TGFBI: variants seen among roughly 807,000 people sequenced by gnomAD.
TGFBI encodes the protein transforming growth factor beta induced.
A neutral mutation model predicts 73.7 loss-of-function variants in TGFBI; 50 were observed. That is an observed-to-expected ratio of 0.68 (90% CI 0.54 to 0.86). The LOEUF is 0.86. Among genes scored for constraint, TGFBI ranks in the 40% least tolerant of loss-of-function variants. The pLI, the probability that TGFBI is intolerant of heterozygous loss-of-function variation, is 0.00. For synonymous variants in TGFBI, 362 were observed against 360.5 expected (o/e 1.00, Z -0.05); for missense variants, 839 against 877.0 (o/e 0.96, Z 0.55).
intron 3 of TGFBI, 155 bp from the exon 4 acceptor site, chr5:136,046,180 T>G: frequency 1.3e-6 from 1 of 791,126 alleles, no homozygotes; most frequent in East Asian, 2.7e-5. Flanking sequence ...ATAACAAGCC[T>G]TAAGCCCCCC....
At position 136,052,957 on chromosome 5, in the gene TGFBI, G is replaced by T. The variant is rs188428210; in HGVS notation, c.964G>T (p.Val322Phe). 1 of 1,614,066 alleles carries T rather than the reference G, an allele frequency of 6.2e-7. No homozygotes were observed. The highest frequency in any genetic ancestry group is 8.5e-7 in the Non-Finnish European group (1 of 1,179,902). ...GTCAGCTATGTGTGCTGAAGCCATC[G>T]TTGCGGGGCTGTCTGTAGAGACCCT... Reference protein sequence around the residue: ...LKSAMCAEAIVAGLSVETLEG... With the variant: ...LKSAMCAEAIFAGLSVETLEG... Residue 322 changes from valine to phenylalanine, a missense_variant, in exon 8 of 17, where the codon GTT becomes TTT. Transcript: ENST00000442011.
intron 3 of TGFBI, 95 bp from the exon 4 acceptor site, chr5:136,046,240 C>T (rs1751423641): frequency 6.8e-7 from 1 of 1,473,616 alleles, no homozygotes; most frequent in Non-Finnish European, 9.3e-7. Flanking sequence ...GTCCTCTCCA[C>T]CTGTAGATGT....
intron 2 of TGFBI, among the ~76,000 whole-genome samples, chr5:136,037,540 A>G (rs1751250060): frequency 6.6e-6 from 1 of 152,228 alleles, no homozygotes; most frequent in Non-Finnish European, 1.5e-5. Context: ...TGGAATAGTC[A>G]TAGCAGGAGC....
intron 2 of TGFBI, among the ~76,000 whole-genome samples, chr5:136,040,262 T>C (rs1751306529): frequency 6.6e-6 from 1 of 152,198 alleles, no homozygotes; most frequent in African/African-American, 2.4e-5. Context: ...GCACCTTCCT[T>C]GAAACTTTCT....
intron 7 of TGFBI, among the ~76,000 whole-genome samples, chr5:136,050,488 C>A: frequency 6.6e-6 from 1 of 152,128 alleles, no homozygotes; most frequent in Non-Finnish European, 1.5e-5. Flanking sequence ...CACATGTTTT[C>A]CTTTTGGAGA....
At chr5:136,053,896 G>GAA (rs755148897) in intron 8 of TGFBI, 47 bp from the exon 9 acceptor site, 7 of 1,608,224 alleles carry the variant, frequency 4.4e-6, no homozygotes, top group Middle Eastern at 1.7e-4. Context: ...AATGATAAAT[G>GAA]AAAACAGCGC....
chr5:136,040,989 T>C (rs1325839126), intron 2 of TGFBI, among the ~76,000 whole-genome samples: 1 of 152,248 alleles, frequency 6.6e-6, no homozygotes, highest in Non-Finnish European at 1.5e-5. Context: ...CAGAAAATTT[T>C]GGTCAAAGTT....
At position 136,061,591 on chromosome 5, in the gene TGFBI, G is replaced by C; in HGVS notation, c.1986+12G>C. On this transcript the variant is annotated intron_variant, in intron 15 of 16. Transcript: ENST00000442011. ...CAGCGTTTTCCAGGGTAAGATGCCT[G>C]CTAGGTTTGCGCCTAGCCTGAGCAG... is the stretch of plus-strand genomic sequence containing the variant. 2.5e-6 allele frequency: 4 copies of C among 1,612,414 alleles called. No homozygotes were observed. The highest frequency in any genetic ancestry group is 2.5e-6 in the Non-Finnish European group (3 of 1,178,790).
At chr5:136,054,343 C>T (rs998108328) in intron 9 of TGFBI, among the ~76,000 whole-genome samples, 11 of 152,336 alleles carry the variant, frequency 7.2e-5, no homozygotes, top group Non-Finnish European at 8.8e-5. Flanking sequence ...GAACTCAAGA[C>T]TTGACATCTG....
In TGFBI at chr5:136,028,997, C is replaced by G; in HGVS notation, c.-59C>G. On this transcript the variant is annotated 5_prime_UTR_variant, in exon 1 of 17. Coordinates refer to ENST00000442011, the MANE Select transcript of TGFBI (RefSeq NM_000358.3). ...GGGCGGCGGAGGCGCTCTCACTTCC[C>G]TGGAGCCGCCCGCTTGCCCGTCGGT... 6.6e-7 allele frequency: 1 copy of G among 1,503,768 alleles called. No individual in the cohort carries two copies. The highest frequency in any genetic ancestry group is 1.4e-5 in the African/African-American group (1 of 69,184). 93.2% of individuals were successfully genotyped at this position (1,503,768 alleles called of 1,614,324 possible).
chr5:136,042,257 T>C (rs1751353427), intron 2 of TGFBI, among the ~76,000 whole-genome samples: 1 of 152,232 alleles, frequency 6.6e-6, no homozygotes, highest in Admixed American at 6.5e-5. Context: ...AGACAGTTCT[T>C]CTCTGTCTTC....
intron 7 of TGFBI, among the ~76,000 whole-genome samples, chr5:136,052,280 G>GGCCAAGTCT (rs1751551195): frequency 6.6e-6 from 1 of 152,260 alleles, no homozygotes; most frequent in Non-Finnish European, 1.5e-5. Flanking sequence ...GGATGGCAAA[G>GGCCAAGTCT]GCCAAGTCTT....
chr5:136,062,729 G>A, intron 16 of TGFBI, 42 bp downstream of exon 16: 1 of 1,556,230 alleles, frequency 6.4e-7, no homozygotes, highest in Non-Finnish European at 8.7e-7. Context: ...GACCTGTTTA[G>A]GCCTTACCCC....
chr5:136,054,993 T>G, intron 10 of TGFBI, 132 bp downstream of exon 10: 1 of 1,116,894 alleles, frequency 9.0e-7, no homozygotes, highest in African/African-American at 1.6e-5. Flanking sequence ...GGAAATAATT[T>G]CTGGAAAATA....
chr5:136,060,970 G>A (rs774214341), intron 14 of TGFBI, 34 bp downstream of exon 14: 6 of 1,474,330 alleles, frequency 4.1e-6, no homozygotes, highest in Non-Finnish European at 4.6e-6. Flanking sequence ...TCTGCAGCCA[G>A]TCCTTTTCTT....
chr5:136,062,539 C>T, intron 15 of TGFBI, 124 bp from the exon 16 acceptor site: 2 of 982,472 alleles, frequency 2.0e-6, no homozygotes, highest in Non-Finnish European at 3.2e-6. Context: ...GTTCCACCTT[C>T]CCCTTCCTCT....
chr5:136,035,209 G>A (rs1236315359), intron 2 of TGFBI, among the ~76,000 whole-genome samples: 1 of 152,182 alleles, frequency 6.6e-6, no homozygotes, highest in Non-Finnish European at 1.5e-5. Context: ...AGTGAGCTAG[G>A]AGGACACACT....
chr5:136,044,131 A>C lies in TGFBI; in HGVS notation c.298+9A>C, dbSNP rs929892145. On this transcript the variant is annotated intron_variant, in intron 3 of 16. Transcript: ENST00000442011. ...GAAGGGCTGTCCAGCAGGTGAATGA[A>C]TCCTCCGGGCCTTGCCTGTTGGTGT... is the stretch of plus-strand genomic sequence containing the variant. 6.2e-7 allele frequency: 1 copy of C among 1,611,706 alleles called. No homozygotes were observed. The highest frequency in any genetic ancestry group is 8.5e-7 in the Non-Finnish European group (1 of 1,178,344).
chr5:136,049,046 A>C, intron 6 of TGFBI: 1 of 199,882 alleles, frequency 5.0e-6, no homozygotes, highest in South Asian at 1.1e-4. Context: ...TAGGCACAGC[A>C]GACAGACTCA....
Sources: gnomAD v4.1 joint callset for allele counts (sites outside exome capture counted in the v4.1 genomes callset) on GRCh38, gnomAD v4.1.1 for gene constraint, MANE v1.5 for transcripts, NCBI Gene and HGNC (gene_info 2026-07-23, HGNC 2026-07-21) for gene names.